PCID2: variants seen among roughly 807,000 people sequenced by gnomAD.
PCID2 encodes PCI domain containing 2, also known as PCI domain-containing protein 2.
In PCID2, 41 loss-of-function variants were observed where a neutral mutation model predicts 61.3. That is an observed-to-expected ratio of 0.67 (90% CI 0.52 to 0.87). The LOEUF (loss-of-function observed/expected upper bound fraction) is 0.87. PCID2 is among the 40% of genes least tolerant of loss of function. The pLI is 0.00. For missense variants in PCID2, 392 were observed against 493.4 expected, an observed-to-expected ratio of 0.79 and a Z score of 1.95; for synonymous variants, 187 against 177.8, an observed-to-expected ratio of 1.05 and a Z score of -0.41.
At chr13:113,172,157 G>C in the PCID2 span, 1 of 1,597,464 alleles carries the variant, frequency 6.3e-7, no homozygotes, top group Non-Finnish European at 8.5e-7. Flanking sequence ...GGGATTCCAA[G>C]CTGGCACTGC....
In PCID2 at chr13:113,178,968, T is replaced by A; in HGVS notation, c.1108A>T (p.Met370Leu). 6.2e-7 allele frequency: 1 copy of A among 1,612,498 alleles called. No individual in the cohort carries two copies. ...AATTAAAACCAGGACTCACACACCATGTATATCAAGTTAGCCAGAATACAC... is the reference window on the plus strand; with the variant it reads ...AATTAAAACCAGGACTCACACACCAAGTATATCAAGTTAGCCAGAATACAC... Reference protein sequence around the residue: ...VQCILANLIYMGHVKGYISHQ... With the variant: ...VQCILANLIYLGHVKGYISHQ... The change falls in exon 13 of 14, where the codon ATG (methionine) becomes TTG (leucine). Residue 370 changes from methionine (M) to leucine (L), a missense_variant and splice_region_variant. Physicochemically the swap from Met to Leu is conservative, Grantham distance 15 (BLOSUM62 2). Coordinates refer to ENST00000337344, the MANE Select transcript of PCID2 (RefSeq NM_001127202.4).
At chr13:113,171,720 G>A in the PCID2 span, 13 of 1,612,832 alleles carry the variant, frequency 8.1e-6, no homozygotes, top group African/African-American at 4.0e-5. This position sits in a 1 kb window ranked among gnomAD's most constrained non-coding sequence, Gnocchi z 5.1. Flanking sequence ...CCCATCCAGT[G>A]CCCAGGTGCG....
At chr13:113,202,335 C>T (rs1042572731) in intron 1 of PCID2, among the ~76,000 whole-genome samples, 3 of 152,170 alleles carry the variant, frequency 2.0e-5, no homozygotes, top group African/African-American at 7.2e-5. Flanking sequence ...TAAGGAATTT[C>T]CCCCCTGACT....
In PCID2 at chr13:113,195,028, AAGTTTT is replaced by A. The variant is rs141430403; in HGVS notation, c.363+37_363+42del. 1.5e-3 allele frequency: 2,066 copies of A among 1,344,850 alleles called. 27 individuals are homozygous for A. The African/African-American group carries it at 0.025, about 16-fold the overall frequency. 83.3% of individuals were successfully genotyped at this position (1,344,850 alleles called of 1,614,324 possible). On this transcript the variant is annotated intron_variant, in intron 6 of 13. Coordinates refer to ENST00000337344, the MANE Select transcript of PCID2 (RefSeq NM_001127202.4). ...TGAAATTAAACAACAGATAGTCACC[AAGTTTT>A]AGTTTTAAAATAATAATGACAGCAA...
intron 4 of PCID2, among the ~76,000 whole-genome samples, chr13:113,196,812 G>A (rs1240924036): frequency 1.3e-5 from 2 of 152,238 alleles, no homozygotes; most frequent in African/African-American, 4.8e-5. Context: ...ATGTACATCT[G>A]AGGCCACTCT....
downstream of PCID2, among the ~76,000 whole-genome samples, chr13:113,175,804 G>C (rs761435539): frequency 6.6e-6 from 1 of 152,198 alleles, no homozygotes; most frequent in Non-Finnish European, 1.5e-5. Context: ...GCTGGAATCC[G>C]GGTGTGACTT....
At chr13:113,184,166 A>T (rs773698010) in intron 9 of PCID2, 180 bp downstream of exon 9, 10 of 426,016 alleles carry the variant, frequency 2.3e-5, no homozygotes, top group Non-Finnish European at 2.8e-5. Flanking sequence ...CCCAGTATGG[A>T]TTAAGAATCT....
At chr13:113,186,908 C>T (rs981292042) in intron 7 of PCID2, 1 of 152,178 alleles carries the variant, frequency 6.6e-6, no homozygotes, top group Non-Finnish European at 1.5e-5. Context: ...AGGTGGTTTA[C>T]AAGCCACAGA....
downstream of PCID2, among the ~76,000 whole-genome samples, chr13:113,174,990 G>A (rs1002573242): frequency 2.0e-5 from 3 of 152,178 alleles, no homozygotes; most frequent in African/African-American, 4.8e-5. Flanking sequence ...AGAAGTGATT[G>A]GATCACGGGG....
the PCID2 span, chr13:113,172,061 A>G: frequency 2.5e-6 from 4 of 1,612,918 alleles, no homozygotes; most frequent in African/African-American, 4.0e-5. Flanking sequence ...CCTTGTCACC[A>G]AGGTCTCCAG....
At chr13:113,198,134 C>T in intron 3 of PCID2, 57 bp downstream of exon 3, 1 of 1,145,926 alleles carries the variant, frequency 8.7e-7, no homozygotes. Flanking sequence ...GATAAAATCC[C>T]CAGTTAATTC....
chr13:113,191,322 T>C (rs2038600286), intron 6 of PCID2, among the ~76,000 whole-genome samples: 1 of 152,072 alleles, frequency 6.6e-6, no homozygotes, highest in Admixed American at 6.6e-5. Flanking sequence ...GCATGAGCCA[T>C]TGTGCCCAGC....
chr13:113,185,427 G>T, intron 8 of PCID2, 58 bp downstream of exon 8: 1 of 1,166,146 alleles, frequency 8.6e-7, no homozygotes, highest in Non-Finnish European at 1.3e-6. Context: ...TATGATATGT[G>T]GGAAGCCCAG....
intron 9 of PCID2, among the ~76,000 whole-genome samples, chr13:113,183,130 G>A (rs1187458042): frequency 1.3e-5 from 2 of 152,174 alleles, no homozygotes; most frequent in Non-Finnish European, 2.9e-5. Flanking sequence ...TCTATGGCCA[G>A]CGCTGGCTTT....
intron 6 of PCID2, 79 bp downstream of exon 6, chr13:113,194,992 G>T (rs2038901291): frequency 1.9e-6 from 2 of 1,037,194 alleles, no homozygotes; most frequent in Non-Finnish European, 3.1e-6. Flanking sequence ...AAACTTCTGG[G>T]AAGAATGACA....
intron 6 of PCID2, among the ~76,000 whole-genome samples, chr13:113,194,641 G>A (rs970046698): frequency 4.6e-5 from 7 of 152,106 alleles, no homozygotes; most frequent in African/African-American, 1.4e-4. Flanking sequence ...CCATGGGGAC[G>A]TCGCCTCCAT....
At chr13:113,176,227 G>A (rs1485124029), downstream of PCID2, among the ~76,000 whole-genome samples, 1 of 152,252 alleles carries the variant, frequency 6.6e-6, no homozygotes, top group African/African-American at 2.4e-5. Context: ...TTCAAATGCA[G>A]TAACTTTGCA....
chr13:113,176,324 G>T (rs888291190), downstream of PCID2, among the ~76,000 whole-genome samples: 12 of 152,358 alleles, frequency 7.9e-5, no homozygotes, highest in African/African-American at 2.9e-4. Flanking sequence ...GGCAGTGCTG[G>T]GGACTAAACT....
At chr13:113,170,075 G>A in the PCID2 span, among the ~76,000 whole-genome samples, 1 of 152,166 alleles carries the variant, frequency 6.6e-6, no homozygotes, top group African/African-American at 2.4e-5. Flanking sequence ...GTTGTTTCTT[G>A]GGGATTACGA....
Sources: gnomAD v4.1 joint callset for allele counts (sites outside exome capture counted in the v4.1 genomes callset) on GRCh38, gnomAD v4.1.1 for gene constraint, Gnocchi (gnomAD v3.1) non-coding constraint, MANE v1.5 for transcripts, NCBI Gene and HGNC (gene_info 2026-07-23, HGNC 2026-07-21) for gene names.